VCPKMT: variants seen among roughly 807,000 people sequenced by gnomAD.
VCPKMT encodes the protein protein N-lysine methyltransferase METTL21D.
Under a neutral mutation model 28.6 loss-of-function variants are expected in VCPKMT, and 32 were observed. The ratio of observed to expected loss-of-function variants is 1.12; its 90% confidence interval spans 0.84 to 1.50. The LOEUF is 1.50. Among genes scored for constraint, VCPKMT ranks in the 40% most tolerant of loss-of-function variants. VCPKMT has a pLI of 0.00. For synonymous variants in VCPKMT, 138 were observed against 111.4 expected (o/e 1.24, Z -1.50); for missense variants, 366 against 285.0 (o/e 1.28, Z -2.05).
the VCPKMT span, among the ~76,000 whole-genome samples, chr14:50,103,410 A>AT: frequency 1.3e-5 from 2 of 152,244 alleles, no homozygotes; most frequent in African/African-American, 4.8e-5. Flanking sequence ...TGTTATGCAG[A>AT]TAGATCAAGT....
chr14:50,114,329 G>A lies in VCPKMT; in HGVS notation c.526C>T (p.Arg176Ter), dbSNP rs780881720. 5.7e-6 allele frequency: 9 copies of A among 1,584,520 alleles called. No individual in the cohort carries two copies. Among genetic ancestry groups the A allele is most frequent in the South Asian group, 4.8e-5 (4 of 83,604 alleles). Residue 176 changes from arginine to a stop codon, truncating the protein, a stop_gained, in exon 4 of 6, where the codon CGA becomes TGA. Transcript: ENST00000395860. LOFTEE classifies it high-confidence loss of function. ...ETCIICCYEQ[R>*]TMGKNPEIEK... is the part of the protein sequence containing the mutation. The stretch of plus-strand genomic sequence containing the variant: ...ATTTCTGGATTTTTCCCCATTGTTC[G>A]TTGTTCATAACAACATATAATACAA...
chr14:50,114,313 T>G lies in VCPKMT; in HGVS notation c.542A>C (p.Asn181Thr). ...AAAATATTTTTTCTCAATTTCTGGA[T>G]TTTTCCCCATTGTTCGTTGTTCATA... Reference protein sequence around the residue: ...CCYEQRTMGKNPEIEKKYFEL... With the variant: ...CCYEQRTMGKTPEIEKKYFEL... The change falls in exon 4 of 6, where the codon AAT (asparagine) becomes ACT (threonine). Residue 181 changes from asparagine to threonine, a missense_variant. Transcript: ENST00000395860. 2 of 1,585,838 alleles carry G rather than the reference T, an allele frequency of 1.3e-6. No homozygotes were observed. The highest frequency in any genetic ancestry group is 1.7e-6 in the Non-Finnish European group (2 of 1,170,356).
intron 3 of VCPKMT, 34 bp downstream of exon 3, chr14:50,115,805 C>T: frequency 6.3e-7 from 1 of 1,576,722 alleles, no homozygotes; most frequent in Non-Finnish European, 8.7e-7. Flanking sequence ...GGTTCATCTT[C>T]TAAGTGAAGA....
chr14:50,116,541 C>G lies in VCPKMT; in HGVS notation c.12G>C (p.Thr4=). 1.2e-6 allele frequency: 2 copies of G among 1,607,076 alleles called. No homozygotes were observed. Among genetic ancestry groups the G allele is most frequent in the Non-Finnish European group, 1.7e-6 (2 of 1,175,506 alleles). The part of the protein sequence containing the change: MAD[T]LESSLEDPLR... ...GTGGGTCCTCCAGCGAGGACTCCAG[C>G]GTATCCGCCATTGCGCCCGGCAACA... The change falls in exon 1 of 6, where the codon ACG becomes ACC. Residue 4 remains threonine, a synonymous_variant. Transcript: ENST00000395860.
At chr14:50,113,484 T>C (rs1049151126) in intron 4 of VCPKMT, 2 of 152,078 alleles carry the variant, frequency 1.3e-5, no homozygotes, top group African/African-American at 4.8e-5. Flanking sequence ...TGTGATAGAT[T>C]TGTGCCCATA....
chr14:50,103,054 T>C, the VCPKMT span, among the ~76,000 whole-genome samples: 26 of 152,238 alleles, frequency 1.7e-4, no homozygotes, highest in Non-Finnish European at 3.5e-4. Flanking sequence ...TTTTTTGCAA[T>C]TTTTTAAAAA....
chr14:50,111,390 A>C, intron 5 of VCPKMT: 2 of 985,416 alleles, frequency 2.0e-6, no homozygotes, highest in Non-Finnish European at 2.4e-6. Flanking sequence ...TAGTCCTAAC[A>C]CCTACTTCTG....
chr14:50,109,492 T>TCAGGGC lies in VCPKMT; in HGVS notation c.*201_*206dup, dbSNP rs1348701981. 1 of 1,311,054 alleles carries TCAGGGC rather than the reference T, an allele frequency of 7.6e-7. No homozygotes were observed. The highest frequency in any genetic ancestry group is 3.1e-5 in the East Asian group (1 of 32,394). 81.2% of individuals were successfully genotyped at this position (1,311,054 alleles called of 1,614,324 possible). On this transcript the variant is annotated 3_prime_UTR_variant, in exon 6 of 6. Coordinates refer to ENST00000395860, the MANE Select transcript of VCPKMT (RefSeq NM_024558.3). The stretch of plus-strand genomic sequence containing the variant: ...CTGAACTAAGTAACCTAAGCTGGAT[T>TCAGGGC]CAGGGCCATTGGCAGGCAGGCAGGC...
rs754313088 is a variant in VCPKMT at position 50,116,377 on chromosome 14, G to A, written c.176C>T (p.Ser59Phe). The A allele has an allele frequency of 6.2e-7, 1 of 1,613,562 alleles. No individual in the cohort carries two copies. Among genetic ancestry groups the A allele is most frequent in the African/African-American group, 1.3e-5 (1 of 74,898 alleles). Residue 59 changes from serine (S) to phenylalanine (F), a missense_variant, in exon 1 of 6, where the codon TCT becomes TTT. Ser to Phe is a radical substitution (Grantham distance 155). Coordinates refer to ENST00000395860, the MANE Select transcript of VCPKMT (RefSeq NM_024558.3). The part of the protein sequence containing the change: ...LSKYLETPEF[S>F]GDGAHALSRR... ...GCTCAGCGCGTGGGCCCCGTCGCCA[G>A]AAAACTCGGGCGTTTCCAGGTATTT...
downstream of VCPKMT, among the ~76,000 whole-genome samples, chr14:50,105,225 C>T (rs1882281224): frequency 6.6e-6 from 1 of 152,078 alleles, no homozygotes; most frequent in Non-Finnish European, 1.5e-5. Flanking sequence ...TCTGTCATAT[C>T]ATATTTTGCA....
In VCPKMT at chr14:50,109,328, T is replaced by G. The variant is rs1882481033; in HGVS notation, c.*371A>C. 9.8e-7 allele frequency: 1 copy of G among 1,020,636 alleles called. No homozygotes were observed. The highest frequency in any genetic ancestry group is 5.7e-5 in the Admixed American group (1 of 17,392). The allele number at this position is 1,020,636 out of a possible 1,614,324, so 63.2% of individuals were successfully genotyped here. On this transcript the variant is annotated 3_prime_UTR_variant, in exon 6 of 6. Coordinates refer to ENST00000395860, the MANE Select transcript of VCPKMT (RefSeq NM_024558.3). ...ACATTATTATATAATAGCAGATAGT[T>G]CTCTTCAGAAATTTATCTCTAGCTT...
chr14:50,115,443 G>A (rs1271018364), intron 3 of VCPKMT, among the ~76,000 whole-genome samples: 2 of 152,104 alleles, frequency 1.3e-5, no homozygotes, highest in African/African-American at 2.4e-5. Flanking sequence ...GAGCCACCGC[G>A]CCCGGCCCAA....
At chr14:50,106,678 A>G (rs111718827), downstream of VCPKMT, 2,314 of 978,520 alleles carry the variant, frequency 2.4e-3, 3 homozygotes, top group Non-Finnish European at 2.6e-3. Flanking sequence ...CCATACTTGC[A>G]AACATCTTGA....
At chr14:50,114,170 T>C (rs1212048446) in intron 4 of VCPKMT, 115 bp downstream of exon 4, 4 of 1,059,368 alleles carry the variant, frequency 3.8e-6, no homozygotes, top group South Asian at 6.2e-5. Context: ...TTTCCTCAGC[T>C]TCACACAAAC....
chr14:50,116,164 GACT>G lies in VCPKMT; in HGVS notation c.279_281del (p.Val94del). On this transcript the variant is annotated inframe_deletion, in exon 2 of 6. Transcript: ENST00000395860. ...AGTCTTGCAATTCCTCAAGATCGGT[GACT>G]ACAACATCAGCCCTATAAAATAACG... 6.2e-7 allele frequency: 1 copy of G among 1,614,038 alleles called. No homozygotes were observed. Among genetic ancestry groups the G allele is most frequent in the Non-Finnish European group, 8.5e-7 (1 of 1,180,014 alleles).
chr14:50,116,146 C>T lies in VCPKMT; in HGVS notation c.300G>A (p.Leu100=). 1 of 1,614,104 alleles carries T rather than the reference C, an allele frequency of 6.2e-7. No homozygotes were observed. Residue 100 remains leucine (L), a synonymous_variant, in exon 2 of 6, where the codon TTG becomes TTA. Transcript: ENST00000395860. ...TAATATTCATCTTCAGCAAGTCTTG[C>T]AATTCCTCAAGATCGGTGACTACAA... ...ADVVVTDLEE[L]QDLLKMNINM... is the part of the protein sequence containing the mutation.
At chr14:50,107,049 A>T (rs1882350176), downstream of VCPKMT, among the ~76,000 whole-genome samples, 1 of 152,142 alleles carries the variant, frequency 6.6e-6, no homozygotes, top group South Asian at 2.1e-4. Context: ...TGCAGGTACA[A>T]CTTGTTATCT....
chr14:50,106,536 C>T (rs999404243), downstream of VCPKMT: 3 of 984,676 alleles, frequency 3.0e-6, no homozygotes, highest in Non-Finnish European at 3.6e-6. Context: ...ATTTCTCAGG[C>T]TGGCAGAGTG....
At position 50,111,604 on chromosome 14, in the gene VCPKMT, G is replaced by A. The variant is rs139981811; in HGVS notation, c.675+1011C>T. 8.3e-4 allele frequency: 816 copies of A among 985,376 alleles called. 14 individuals carry two copies. The East Asian group carries it at 0.045, about 54-fold the overall frequency. 61.0% of individuals were successfully genotyped at this position (985,376 alleles called of 1,614,324 possible). The stretch of plus-strand genomic sequence containing the variant: ...TACAAAAATAGATGAAAGGCCAGGC[G>A]CAGCAGCTCACACCTGTAATCCCAA... On this transcript the variant is annotated intron_variant, in intron 5 of 5. Coordinates refer to ENST00000395860, the MANE Select transcript of VCPKMT (RefSeq NM_024558.3).
Sources: gnomAD v4.1 joint callset for allele counts (sites outside exome capture counted in the v4.1 genomes callset) on GRCh38, gnomAD v4.1.1 for gene constraint, MANE v1.5 for transcripts, NCBI Gene and HGNC (gene_info 2026-07-23, HGNC 2026-07-21) for gene names.